Variants in TBC1D8B observed in about 807,000 individuals in gnomAD.
TBC1D8B encodes RP11-321G1.1.
TBC1D8B carries 75 observed loss-of-function variants against 82.9 expected under a neutral mutation model. The ratio of observed to expected loss-of-function variants is 0.90; its 90% CI spans 0.75 to 1.10. TBC1D8B has a LOEUF of 1.10. TBC1D8B is among the 50% of genes least tolerant of loss of function. The probability of loss-of-function intolerance (pLI) is 0.00; values close to 1 mark genes in which losing one functional copy is unlikely to be tolerated. For missense variants in TBC1D8B, 794 were observed against 796.9 expected (o/e 1.00, Z 0.04); for synonymous variants, 276 against 276.8 (o/e 1.00, Z 0.03).
intron 18 of TBC1D8B, 103 bp from the exon 19 acceptor site, chrX:106,869,382 T>A: frequency 1.6e-6 from 1 of 636,085 alleles, no homozygotes; most frequent in Non-Finnish European, 2.3e-6. Flanking sequence ...GTTTGCAGAA[T>A]TGAATAAAAT....
At chrX:106,832,356 G>A (rs1569452202) in intron 7 of TBC1D8B, among the ~76,000 whole-genome samples, 1 of 111,452 alleles carries the variant, frequency 9.0e-6, no homozygotes. Flanking sequence ...GGCATATAAA[G>A]AGATTTAGTA....
intron 1 of TBC1D8B, among the ~76,000 whole-genome samples, chrX:106,807,049 C>T (rs1034404986): frequency 1.8e-5 from 2 of 111,198 alleles, no homozygotes; most frequent in African/African-American, 3.3e-5. Context: ...TGAAAATGTG[C>T]GCCTTAGTTA....
intron 14 of TBC1D8B, among the ~76,000 whole-genome samples, chrX:106,859,057 C>T (rs1039092869): frequency 1.8e-5 from 2 of 111,566 alleles, no homozygotes; most frequent in Admixed American, 9.5e-5. Context: ...CATTCTGTTC[C>T]GTTAGACTAT....
At chrX:106,819,916 A>G (rs1396188023) in intron 2 of TBC1D8B, among the ~76,000 whole-genome samples, 2 of 110,962 alleles carry the variant, frequency 1.8e-5, no homozygotes, top group South Asian at 7.5e-4. Context: ...TACCAAAAGA[A>G]TCAAACTTAA....
chrX:106,846,909 A>G (rs755997683), intron 10 of TBC1D8B, among the ~76,000 whole-genome samples: 37 of 112,359 alleles, frequency 3.3e-4, no homozygotes, highest in Non-Finnish European at 6.4e-4. Context: ...ATGAGCTACC[A>G]TTTTTCACTA....
At chrX:106,821,821 A>G (rs983839018) in intron 3 of TBC1D8B, among the ~76,000 whole-genome samples, 156 bp from the exon 4 acceptor site, 1 of 111,381 alleles carries the variant, frequency 9.0e-6, no homozygotes, top group Non-Finnish European at 1.9e-5. Context: ...TTTTTTCCCA[A>G]ATATTTTCAA....
rs1305847739 is a variant in TBC1D8B at position 106,805,753 on chromosome X, G to A, written c.130+2770G>A. ...TAAGTGTGTGCTGATTTTCCTAGCT[G>A]CTCAATTACTGTATTCTTACTTAAA... On this transcript the variant is annotated intron_variant, in intron 1 of 20. Transcript: ENST00000357242. 2.7e-5 allele frequency among the ~76,000 whole-genome samples: 3 copies of A among 111,972 alleles called. No individual in the cohort carries two copies. The East Asian group carries it at 8.4e-4, about 31-fold the overall frequency.
chrX:106,840,551 G>A (rs1932279589), intron 9 of TBC1D8B, 119 bp from the exon 10 acceptor site: 1 of 667,424 alleles, frequency 1.5e-6, no homozygotes, highest in South Asian at 2.9e-5. Context: ...TTTGTGCTCA[G>A]AAATCACTTA....
chrX:106,803,035 A>T (rs774564452), intron 1 of TBC1D8B, 52 bp downstream of exon 1: 20 of 1,139,257 alleles, frequency 1.8e-5, no homozygotes, highest in Middle Eastern at 3.1e-4. Context: ...TGTTACTTAA[A>T]AGGTGGTGAG....
At chrX:106,816,810 C>A (rs1475351863) in intron 1 of TBC1D8B, among the ~76,000 whole-genome samples, 2 of 111,002 alleles carry the variant, frequency 1.8e-5, no homozygotes, top group Non-Finnish European at 3.8e-5. Flanking sequence ...ACTCTCCTAT[C>A]CTTTCCTTTC....
At chrX:106,828,768 A>C (rs1466565659) in intron 7 of TBC1D8B, 2 of 109,811 alleles carry the variant, frequency 1.8e-5, no homozygotes, top group African/African-American at 3.4e-5. Flanking sequence ...CTCTCAATAA[A>C]TTAGGTATTG....
chrX:106,820,360 G>A (rs771413514), intron 2 of TBC1D8B, among the ~76,000 whole-genome samples: 2 of 111,234 alleles, frequency 1.8e-5, no homozygotes, highest in Non-Finnish European at 3.8e-5. Flanking sequence ...TTTGATGAAT[G>A]GGGTTGCTCT....
rs779758217 is a variant in TBC1D8B, at chrX:106,869,532, C to T, written c.2860C>T (p.Pro954Ser). ...GGAAGCAGAATCAGCAAAACACAGCCCTGAAAAAGGTACTATGATCTAGGA... is the reference window on the plus strand; with the variant it reads ...GGAAGCAGAATCAGCAAAACACAGCTCTGAAAAAGGTACTATGATCTAGGA... ...EKEAESAKHS[P>S]EKGKGKIDIQ... Residue 954 changes from proline (P) to serine (S), a missense_variant, in exon 19 of 21, where the codon CCT (proline) becomes TCT (serine). By Grantham distance (74) the Pro-to-Ser change is moderately conservative (BLOSUM62 -1). Transcript: ENST00000357242. 8.3e-7 allele frequency: 1 copy of T among 1,203,090 alleles called. No individual in the cohort carries two copies.
At chrX:106,859,142 A>G (rs1378339969) in intron 14 of TBC1D8B, among the ~76,000 whole-genome samples, 1 of 112,101 alleles carries the variant, frequency 8.9e-6, no homozygotes, top group Non-Finnish European at 1.9e-5. Context: ...GAATAACGTG[A>G]TACCTCTAGC....
intron 1 of TBC1D8B, chrX:106,818,394 A>G (rs1602409073): frequency 8.4e-6 from 2 of 237,409 alleles, no homozygotes; most frequent in Non-Finnish European, 1.5e-5. Flanking sequence ...AACGAGATAC[A>G]TAAGTGCTGC....
In TBC1D8B at chrX:106,850,014, A is replaced by G; in HGVS notation, c.1838-11A>G. On this transcript the variant is annotated splice_polypyrimidine_tract_variant and intron_variant, in intron 11 of 20. Transcript: ENST00000357242. ...AATGTTTATTTTTAAACTTCTTTTG[A>G]TATTCTGTAGGTGCCTTGGTGGATC... The G allele has an allele frequency of 8.6e-7, 1 of 1,164,621 alleles. No individual in the cohort carries two copies. Among genetic ancestry groups the G allele is most frequent in the Non-Finnish European group, 1.1e-6 (1 of 875,766 alleles).
At chrX:106,842,146 A>G (rs781570224) in intron 10 of TBC1D8B, among the ~76,000 whole-genome samples, 1 of 110,272 alleles carries the variant, frequency 9.1e-6, no homozygotes, top group South Asian at 3.9e-4. Context: ...TTTTTTTTGA[A>G]AAACTGTTTA....
rs948332215 is a variant in TBC1D8B, at chrX:106,803,130, C to T, written c.130+147C>T. ...GGTTCTTCTCCCGACACCACCTTTC[C>T]GCCACCACCTCCAAGTCCTGAGAAT... On this transcript the variant is annotated intron_variant, in intron 1 of 20. Coordinates refer to ENST00000357242, the MANE Select transcript of TBC1D8B (RefSeq NM_017752.3). The T allele has an allele frequency of 7.7e-5, 51 of 665,822 alleles. No individual in the cohort carries two copies. In the African/African-American group the frequency reaches 9.7e-4, roughly 13 times the overall value. The allele number at this position is 665,822 out of a possible 1,213,427, so 54.9% of individuals were successfully genotyped here.
rs1299772759 is a variant in TBC1D8B at position 106,827,357 on chromosome X, T to G, written c.1203+20T>G. The G allele has an allele frequency of 8.3e-7, 1 of 1,205,119 alleles. No individual in the cohort carries two copies. The highest frequency in any genetic ancestry group is 1.1e-6 in the Non-Finnish European group (1 of 890,696). ...ACAGAGGTAATTAATTATACAGCAA[T>G]CAAATCATTTGGAAAAAAAGGTGTG... On this transcript the variant is annotated intron_variant, in intron 7 of 20. Coordinates refer to ENST00000357242, the MANE Select transcript of TBC1D8B (RefSeq NM_017752.3).
Sources: allele counts gnomAD v4.1 joint callset (sites outside exome capture counted in the v4.1 genomes callset), GRCh38; gene constraint gnomAD v4.1.1; transcripts MANE v1.5; gene names NCBI Gene and HGNC (gene_info 2026-07-23, HGNC 2026-07-21).